Variants in EIF4H observed in about 807,000 individuals in gnomAD.
The protein encoded by EIF4H is eukaryotic translation initiation factor 4H.
A neutral mutation model predicts 30.6 loss-of-function variants in EIF4H; 8 were observed. That is an observed-to-expected ratio of 0.26 (90% CI 0.15 to 0.47). The LOEUF (loss-of-function observed/expected upper bound fraction) is 0.47, where lower values mean the gene tolerates loss of function less well. Among genes scored for constraint, EIF4H ranks in the 20% least tolerant of loss-of-function variants. The pLI is 0.99. For missense variants in EIF4H, 188 were observed against 339.5 expected, an observed-to-expected ratio of 0.55 and a Z score of 3.51; for synonymous variants, 106 against 122.7, an observed-to-expected ratio of 0.86 and a Z score of 0.90.
chr7:74,189,633 G>T, intron 2 of EIF4H, 40 bp from the exon 3 acceptor site: 1 of 1,610,014 alleles, frequency 6.2e-7, no homozygotes, highest in Non-Finnish European at 8.5e-7. Context: ...CTTTAACCCA[G>T]AATTACTTGA....
In EIF4H at chr7:74,195,664, T is replaced by C; in HGVS notation, c.*356T>C. 1 of 191,870 alleles carries C rather than the reference T, an allele frequency of 5.2e-6. No individual in the cohort carries two copies. The highest frequency in any genetic ancestry group is 1.3e-4 in the East Asian group (1 of 7,674). The allele number at this position is 191,870 out of a possible 1,614,324, so 11.9% of individuals were successfully genotyped here. On this transcript the variant is annotated 3_prime_UTR_variant, in exon 7 of 7. Transcript: ENST00000265753. ...TTTGGGCTGCGGTGCTGCGTCATTT[T>C]TCCTTTGCTTTCTCTTTACTTTAGA...
intron 1 of EIF4H, among the ~76,000 whole-genome samples, chr7:74,182,252 C>T (rs1800978916): frequency 6.6e-6 from 1 of 152,048 alleles, no homozygotes; most frequent in Non-Finnish European, 1.5e-5. Context: ...TTTAAGTGAC[C>T]ACTCTTCTCT....
intron 5 of EIF4H, among the ~76,000 whole-genome samples, chr7:74,190,933 A>AT (rs1801193458): frequency 1.3e-5 from 2 of 151,982 alleles, no homozygotes; most frequent in Admixed American, 1.3e-4. Context: ...TATGCACATG[A>AT]TAAAAACTTC....
In EIF4H at chr7:74,186,788, ATTTTTTTTTTT is replaced by A. The variant is rs564794579; in HGVS notation, c.60-781_60-771del. On this transcript the variant is annotated intron_variant, in intron 1 of 6. Transcript: ENST00000265753. ...GCCCATAATCAGGCAACAAGGAGAA[ATTTTTTTTTTT>A]TTTTTTTTTTTTTTTTTTTTTTTTT... 1.0e-3 allele frequency among the ~76,000 whole-genome samples: 72 copies of A among 70,116 alleles called. 15 individuals are homozygous for A. The highest frequency in any genetic ancestry group is 2.4e-3 in the African/African-American group (50 of 20,544). 46.0% of individuals were successfully genotyped at this position (70,116 alleles called of 152,430 possible). A position where few individuals can be genotyped will look rare whatever the true frequency, so the allele number is the denominator to read the frequency against.
intron 5 of EIF4H, among the ~76,000 whole-genome samples, chr7:74,194,317 GTTCTGAGTTGTAAATAC>G (rs1801292786): frequency 6.6e-6 from 1 of 152,128 alleles, no homozygotes; most frequent in South Asian, 2.1e-4. Context: ...TGATTTTTGT[GTTCTGAGTTGTAAATAC>G]TTCTAAATTT....
At chr7:74,194,953 C>T in intron 6 of EIF4H, 75 bp downstream of exon 6, 2 of 1,528,628 alleles carry the variant, frequency 1.3e-6, no homozygotes, top group Non-Finnish European at 1.8e-6. Flanking sequence ...CCCGTGGGGA[C>T]TTGGCGTTCT....
intron 5 of EIF4H, among the ~76,000 whole-genome samples, chr7:74,194,396 C>A (rs188914408): frequency 2.0e-5 from 3 of 152,190 alleles, no homozygotes; most frequent in Non-Finnish European, 4.4e-5. Context: ...AAATAGAGTT[C>A]AACCTGCTTT....
chr7:74,188,110 G>A (rs1424953710), intron 2 of EIF4H, among the ~76,000 whole-genome samples: 3 of 152,192 alleles, frequency 2.0e-5, no homozygotes, highest in South Asian at 2.1e-4. Flanking sequence ...GAATAGAGCC[G>A]AGGACTCTTA....
intron 6 of EIF4H, 79 bp downstream of exon 6, chr7:74,194,957 G>T: frequency 6.6e-7 from 1 of 1,523,138 alleles, no homozygotes. Flanking sequence ...TGGGGACTTG[G>T]CGTTCTACGG....
At chr7:74,185,408 G>A (rs1554709054) in intron 1 of EIF4H, among the ~76,000 whole-genome samples, 1 of 152,154 alleles carries the variant, frequency 6.6e-6, no homozygotes, top group African/African-American at 2.4e-5. Flanking sequence ...AAAGGTTATT[G>A]AAATGCAAAG....
intron 1 of EIF4H, among the ~76,000 whole-genome samples, chr7:74,179,646 A>AAAC (rs72155748): frequency 0.16 from 23,357 of 150,244 alleles, 2,297 homozygotes; most frequent in Non-Finnish European, 0.21. Flanking sequence ...AAAAAAAAAA[A>AAAC]AAGTCACTTT....
chr7:74,186,227 C>A (rs892644722), intron 1 of EIF4H, among the ~76,000 whole-genome samples: 65 of 143,176 alleles, frequency 4.5e-4, no homozygotes, highest in Middle Eastern at 3.6e-3. Flanking sequence ...ATTCTGATGT[C>A]TTTTTTTTTT....
chr7:74,179,381 C>T (rs1584173807), intron 1 of EIF4H, among the ~76,000 whole-genome samples: 1 of 152,278 alleles, frequency 6.6e-6, no homozygotes, highest in East Asian at 1.9e-4. Flanking sequence ...CCTGTAACCC[C>T]AGGACTTTGG....
intron 1 of EIF4H, among the ~76,000 whole-genome samples, chr7:74,175,847 A>C (rs1800827166): frequency 2.0e-5 from 3 of 152,166 alleles, no homozygotes. Flanking sequence ...ACCTTATTAA[A>C]CTGAGTGTGG....
At chr7:74,182,033 C>G (rs1310793737) in intron 1 of EIF4H, among the ~76,000 whole-genome samples, 1 of 152,162 alleles carries the variant, frequency 6.6e-6, no homozygotes, top group Non-Finnish European at 1.5e-5. Flanking sequence ...ACTTTTCATA[C>G]TTGAGTATGT....
chr7:74,187,171 T>C (rs536566211), intron 1 of EIF4H, among the ~76,000 whole-genome samples: 1 of 152,140 alleles, frequency 6.6e-6, no homozygotes, highest in Non-Finnish European at 1.5e-5. Flanking sequence ...GGCTCACACC[T>C]GTAATCCCAG....
intron 6 of EIF4H, 65 bp from the exon 7 acceptor site, chr7:74,195,104 A>G: frequency 4.4e-6 from 7 of 1,589,226 alleles, no homozygotes; most frequent in South Asian, 3.4e-5. Context: ...CAACATCAGC[A>G]TGGTCGTTTT....
At chr7:74,188,282 A>G (rs782331055) in intron 2 of EIF4H, among the ~76,000 whole-genome samples, 5 of 152,162 alleles carry the variant, frequency 3.3e-5, no homozygotes, top group Admixed American at 2.6e-4. Flanking sequence ...GCTGGCTGAG[A>G]TTTCAGATAT....
Position 74,188,229 on chromosome 7 carries a change from C to T in EIF4H, c.247+431C>T, listed in dbSNP as rs143760737. ...AAACCCAGAAGAGAAGCAGCCAGTG[C>T]TGTCAGTATGCATTTGTAAATTTGG... is the stretch of plus-strand genomic sequence containing the variant. On this transcript the variant is annotated intron_variant, in intron 2 of 6. Transcript: ENST00000265753. Among the ~76,000 whole-genome samples the T allele has an allele frequency of 2.6e-5, 4 of 152,344 alleles. No individual in the cohort carries two copies. The East Asian group carries it at 7.7e-4, about 29-fold the overall frequency.
Sources: gnomAD v4.1 joint callset for allele counts (sites outside exome capture counted in the v4.1 genomes callset) on GRCh38, gnomAD v4.1.1 for gene constraint, MANE v1.5 for transcripts, NCBI Gene and HGNC (gene_info 2026-07-23, HGNC 2026-07-21) for gene names.